Variants in SRCAP observed in about 807,000 individuals in gnomAD.
SRCAP encodes the protein chromatin remodeling protein SRCAP.
A neutral mutation model predicts 263.1 loss-of-function variants in SRCAP; 46 were observed. The observed-to-expected ratio is 0.17, with a 90% CI of 0.14 to 0.22. The LOEUF (loss-of-function observed/expected upper bound fraction) is 0.22. Ranked by LOEUF, SRCAP falls within the 10% of genes least tolerant of loss-of-function variation. SRCAP has a pLI of 1.00. For missense variants in SRCAP, 3,695 were observed against 4,181.9 expected (o/e 0.88, Z 3.21); for synonymous variants, 1,813 against 1,662.1 (o/e 1.09, Z -2.21).
At chr16:30,703,144 A>G (rs2052787063) in intron 3 of SRCAP, among the ~76,000 whole-genome samples, 1 of 142,806 alleles carries the variant, frequency 7.0e-6, no homozygotes, top group African/African-American at 3.0e-5. Context: ...ATTTGAAATC[A>G]TATGCTATAT....
chr16:30,719,321 A>C (rs551532319), intron 18 of SRCAP, among the ~76,000 whole-genome samples: 1 of 150,800 alleles, frequency 6.6e-6, no homozygotes, highest in Non-Finnish European at 1.5e-5. Flanking sequence ...GGTTTAAGCA[A>C]TTCTCCATTT....
Position 30,736,192 on chromosome 16 carries a change from C to T in SRCAP, c.6730-8C>T, listed in dbSNP as rs368466760. On this transcript the variant is annotated splice_region_variant and splice_polypyrimidine_tract_variant and intron_variant, in intron 31 of 33. Coordinates refer to ENST00000262518, the MANE Select transcript of SRCAP (RefSeq NM_006662.3). Reference sequence around the variant, plus strand: ...CATGTTTTCTTTTTCTTTTATACACCCTGGTAGGCATTGTGTCGGGCAGAA... The same window carrying T: ...CATGTTTTCTTTTTCTTTTATACACTCTGGTAGGCATTGTGTCGGGCAGAA... 6.2e-6 allele frequency: 10 copies of T among 1,613,556 alleles called. No homozygotes were observed. Among genetic ancestry groups the T allele is most frequent in the Middle Eastern group, 1.6e-4 (1 of 6,084 alleles).
At position 30,721,269 on chromosome 16, in the gene SRCAP, G is replaced by T; in HGVS notation, c.3334G>T (p.Ala1112Ser). 6.2e-7 allele frequency: 1 copy of T among 1,614,024 alleles called. No homozygotes were observed. Reference sequence around the variant, plus strand: ...CTTGTCCCTAAAGCCAACACCACCTGCCCCAGTTCGCCTGAGCCCAGCCCC... The same window carrying T: ...CTTGTCCCTAAAGCCAACACCACCTTCCCCAGTTCGCCTGAGCCCAGCCCC... ...PTLSLKPTPP[A>S]PVRLSPAPPP... The change falls in exon 21 of 34, where the codon GCC becomes TCC. Residue 1112 changes from alanine to serine, a missense_variant. By Grantham distance (99) the Ala-to-Ser change is moderately conservative (BLOSUM62 1). Around this residue, in one of 12 missense-constraint regions of SRCAP, gnomAD observed 1,347 missense variants for 1,304.4 expected, o/e 1.03. Transcript: ENST00000262518.
At chr16:30,711,248 G>T (rs928299549) in intron 10 of SRCAP, among the ~76,000 whole-genome samples, 160 bp downstream of exon 10, 1 of 152,236 alleles carries the variant, frequency 6.6e-6, no homozygotes, top group Non-Finnish European at 1.5e-5. Context: ...AGTAGAAAGT[G>T]ATGAGTGCTT....
At position 30,736,576 on chromosome 16, in the gene SRCAP, G is replaced by A. The variant is rs2053162527; in HGVS notation, c.6960G>A (p.Leu2320=). ...TTGAGCGCTATGCCATGAAATTCCT[G>A]GAGGCCTCACTGGAGGAGGTGAGCC... ...TPIERYAMKF[L]EASLEEVSRE... The change falls in exon 33 of 34, where the codon CTG becomes CTA. Residue 2320 remains leucine (L), a synonymous_variant. Coordinates refer to ENST00000262518, the MANE Select transcript of SRCAP (RefSeq NM_006662.3). 1 of 1,614,112 alleles carries A rather than the reference G, an allele frequency of 6.2e-7. No individual in the cohort carries two copies. The highest frequency in any genetic ancestry group is 1.1e-5 in the South Asian group (1 of 91,090).
At position 30,737,472 on chromosome 16, in the gene SRCAP, C is replaced by T; in HGVS notation, c.7432C>T (p.Pro2478Ser). 3 of 1,591,892 alleles carry T rather than the reference C, an allele frequency of 1.9e-6. No homozygotes were observed. The highest frequency in any genetic ancestry group is 2.6e-6 in the Non-Finnish European group (3 of 1,163,888). The part of the protein sequence containing the change: ...ISAPNPITIL[P>S]VHILPSPPPP... ...AGCCCCAAATCCAATAACCATTCTCCCTGTCCATATCTTGCCTTCTCCTCC... is the reference window on the plus strand; with the variant it reads ...AGCCCCAAATCCAATAACCATTCTCTCTGTCCATATCTTGCCTTCTCCTCC... Residue 2478 changes from proline to serine, a missense_variant, in exon 34 of 34, where the codon CCT becomes TCT. Pro to Ser is a moderately conservative substitution (Grantham distance 74). This residue lies in a region of SRCAP where 1,207 missense variants were observed against 1,142.9 expected (regional missense o/e 1.06). Transcript: ENST00000262518.
In SRCAP at chr16:30,721,206, G is replaced by C; in HGVS notation, c.3271G>C (p.Gly1091Arg). Reference sequence around the variant, plus strand: ...GTCTGCAGTGTTGCCATCCCCCCTGGGGGTCCTGAGTGGGACCTCACGGCC... The same window carrying C: ...GTCTGCAGTGTTGCCATCCCCCCTGCGGGTCCTGAGTGGGACCTCACGGCC... ...SLPQVLPSPL[G>R]VLSGTSRPPT... The change falls in exon 21 of 34, where the codon GGG (glycine) becomes CGG (arginine). Residue 1091 changes from glycine (G) to arginine (R), a missense_variant. By Grantham distance (125) the Gly-to-Arg change is moderately radical. This residue lies in a region of SRCAP where 1,347 missense variants were observed against 1,304.4 expected (regional missense o/e 1.03). Transcript: ENST00000262518. The C allele has an allele frequency of 1.2e-6, 2 of 1,610,816 alleles. No homozygotes were observed. Among genetic ancestry groups the C allele is most frequent in the African/African-American group, 2.7e-5 (2 of 74,944 alleles).
intron 21 of SRCAP, among the ~76,000 whole-genome samples, chr16:30,721,901 G>C (rs1322714403): frequency 1.3e-5 from 2 of 152,164 alleles, no homozygotes; most frequent in African/African-American, 4.8e-5. Context: ...CCATGTTAGA[G>C]GATATAAAAG....
In SRCAP at chr16:30,738,099, C is replaced by T. The variant is rs201748914; in HGVS notation, c.8059C>T (p.Pro2687Ser). ...LTEAKTPTSS[P>S]EKPQELVTAE... ...AGAGGCCAAGACCCCAACCTCCAGCCCAGAGAAGCCACAGGAACTCGTTAC... is the reference window on the plus strand; with the variant it reads ...AGAGGCCAAGACCCCAACCTCCAGCTCAGAGAAGCCACAGGAACTCGTTAC... Residue 2687 changes from proline (P) to serine (S), a missense_variant, in exon 34 of 34, where the codon CCA becomes TCA. Physicochemically the swap from Pro to Ser is moderately conservative, Grantham distance 74 (BLOSUM62 -1). This residue lies in a region of SRCAP where 1,207 missense variants were observed against 1,142.9 expected (regional missense o/e 1.06). Coordinates refer to ENST00000262518, the MANE Select transcript of SRCAP (RefSeq NM_006662.3). The T allele has an allele frequency of 5.6e-6, 9 of 1,614,150 alleles. No homozygotes were observed. The African/African-American group carries it at 1.1e-4, about 19-fold the overall frequency.
chr16:30,737,514 C>A lies in SRCAP; in HGVS notation c.7474C>A (p.Pro2492Thr). 6.2e-7 allele frequency: 1 copy of A among 1,602,718 alleles called. No individual in the cohort carries two copies. The highest frequency in any genetic ancestry group is 1.1e-5 in the South Asian group (1 of 90,766). The change falls in exon 34 of 34, where the codon CCT becomes ACT. Residue 2492 changes from proline (P) to threonine (T), a missense_variant. By Grantham distance (38) the Pro-to-Thr change is conservative. Transcript: ENST00000262518. ...TTCTCCTCCCCCTCCTTCACAGATT[C>A]CTCCTTGTTCTTCTCCTGCCTGCAC... ...LPSPPPPSQIPPCSSPACTPP... is the reference protein window; with the variant it reads ...LPSPPPPSQITPCSSPACTPP...
intron 4 of SRCAP, among the ~76,000 whole-genome samples, chr16:30,706,616 G>A (rs2052830360): frequency 6.6e-6 from 1 of 152,104 alleles, no homozygotes; most frequent in South Asian, 2.1e-4. Context: ...TAACGTTTCA[G>A]TATTTTTTAC....
Position 30,734,300 on chromosome 16 carries a change from G to A in SRCAP, c.6610-196G>A, listed in dbSNP as rs1251778746. Reference sequence around the variant, plus strand: ...GGAGGTTGCAGTGAGTTGAGATGGCGCCATTGCACTTTAGCCTGGGTGACG... The same window carrying A: ...GGAGGTTGCAGTGAGTTGAGATGGCACCATTGCACTTTAGCCTGGGTGACG... On this transcript the variant is annotated intron_variant, in intron 30 of 33. Transcript: ENST00000262518. The A allele has an allele frequency of 8.2e-6, 6 of 735,348 alleles. No individual in the cohort carries two copies. In the East Asian group the frequency reaches 8.3e-5, roughly 10 times the overall value. The allele number at this position is 735,348 out of a possible 1,614,324, so 45.6% of individuals were successfully genotyped here.
intron 25 of SRCAP, chr16:30,725,980 A>G (rs1382381454): frequency 6.6e-6 from 1 of 152,118 alleles, no homozygotes; most frequent in Non-Finnish European, 1.5e-5. Flanking sequence ...TCATCAACAC[A>G]ATCAACTTAG....
Position 30,733,802 on chromosome 16 carries a change from T to C in SRCAP, c.6494+4T>C, listed in dbSNP as rs2053134492. 1.2e-6 allele frequency: 2 copies of C among 1,612,438 alleles called. No individual in the cohort carries two copies. Among genetic ancestry groups the C allele is most frequent in the Non-Finnish European group, 8.5e-7 (1 of 1,178,740 alleles). ...CCCGGGATGTCCACATATATAGGTA[T>C]TGCCTAGTCTTCCCTCACCTTACTT... is the stretch of plus-strand genomic sequence containing the variant. On this transcript the variant is annotated splice_donor_region_variant and intron_variant, in intron 29 of 33. Coordinates refer to ENST00000262518, the MANE Select transcript of SRCAP (RefSeq NM_006662.3). The surrounding 1 kb of genome is among the most constrained non-coding windows in gnomAD (Gnocchi z 5.3).
Position 30,704,095 on chromosome 16 carries a change from C to A in SRCAP, c.86C>A (p.Pro29His), listed in dbSNP as rs747410723. 1.9e-6 allele frequency: 3 copies of A among 1,613,904 alleles called. No homozygotes were observed. The Admixed American group carries it at 5.0e-5, about 27-fold the overall frequency. Residue 29 changes from proline (P) to histidine (H), a missense_variant, in exon 4 of 34, where the codon CCT becomes CAT. Pro to His is a moderately conservative substitution (Grantham distance 77). This residue lies in a region of SRCAP where 122 missense variants were observed against 116.9 expected (regional missense o/e 1.04). Transcript: ENST00000262518. Reference protein sequence around the residue: ...MVSDGMTGSNPVSPASSSSPA... With the variant: ...MVSDGMTGSNHVSPASSSSPA... ...TCGGACGGCATGACAGGCAGCAATC[C>A]TGTGTCCCCTGCCTCATCCAGTTCC... is the stretch of plus-strand genomic sequence containing the variant.
rs776006475 is a variant in SRCAP, at chr16:30,720,246, C to T, written c.2902C>T (p.Arg968Cys). ...GGCAGACACATTTCTGCCCCGGCAC[C>T]GCCTCTCTCGCCGGGTACTGTTAGA... ...YEADTFLPRH[R>C]LSRRVLLEVA... The change falls in exon 19 of 34, where the codon CGC becomes TGC. Residue 968 changes from arginine to cysteine, a missense_variant. Arg to Cys is a radical substitution (Grantham distance 180, BLOSUM62 -3). Transcript: ENST00000262518. 12 of 1,614,066 alleles carry T rather than the reference C, an allele frequency of 7.4e-6. No homozygotes were observed. Among genetic ancestry groups the T allele is most frequent in the Admixed American group, 1.7e-5 (1 of 60,004 alleles).
At chr16:30,734,344 A>G in intron 30 of SRCAP, 152 bp from the exon 31 acceptor site, 1 of 1,227,176 alleles carries the variant, frequency 8.1e-7, no homozygotes. Context: ...CGTCTCAAAA[A>G]AGAAAAAACA....
rs2053211317 is a variant in SRCAP, at chr16:30,740,225, C to T, written c.*492C>T. ...CCTCCCTCTTGTTCTTGCAAAGATC[C>T]TAGCACCTGATCTCTAGCCCAGGAC... is the stretch of plus-strand genomic sequence containing the variant. On this transcript the variant is annotated 3_prime_UTR_variant, in exon 34 of 34. Coordinates refer to ENST00000262518, the MANE Select transcript of SRCAP (RefSeq NM_006662.3). 1 of 152,720 alleles carries T rather than the reference C, an allele frequency of 6.5e-6. No homozygotes were observed. Among genetic ancestry groups the T allele is most frequent in the South Asian group, 2.1e-4 (1 of 4,818 alleles). The allele number at this position is 152,720 out of a possible 1,614,324, so 9.5% of individuals were successfully genotyped here. A position where few individuals can be genotyped will look rare whatever the true frequency, so the allele number is the denominator to read the frequency against.
In SRCAP at chr16:30,722,712, C is replaced by T. The variant is rs894832402; in HGVS notation, c.3856C>T (p.Pro1286Ser). 1 of 1,613,654 alleles carries T rather than the reference C, an allele frequency of 6.2e-7. No homozygotes were observed. Among genetic ancestry groups the T allele is most frequent in the Non-Finnish European group, 8.5e-7 (1 of 1,179,834 alleles). The change falls in exon 23 of 34, where the codon CCT becomes TCT. Residue 1286 changes from proline (P) to serine (S), a missense_variant. By Grantham distance (74) the Pro-to-Ser change is moderately conservative. Coordinates refer to ENST00000262518, the MANE Select transcript of SRCAP (RefSeq NM_006662.3). ...TTCGACCCCCAGCACCACCCCTGCC[C>T]CTACTGGCCTCAGCCTTCCGCTTGC... ...PSSTPSTTPAPTGLSLPLAAN... is the reference protein window; with the variant it reads ...PSSTPSTTPASTGLSLPLAAN...
Sources: gnomAD v4.1 joint callset for allele counts (sites outside exome capture counted in the v4.1 genomes callset) on GRCh38, gnomAD v4.1.1 for gene constraint, gnomAD v4.1.1 regional missense constraint, Gnocchi (gnomAD v3.1) non-coding constraint, MANE v1.5 for transcripts, NCBI Gene and HGNC (gene_info 2026-07-23, HGNC 2026-07-21) for gene names.